TMOD2: variants seen among roughly 807,000 people sequenced by gnomAD.
The protein encoded by TMOD2 is tropomodulin-2.
A neutral mutation model predicts 39.9 loss-of-function variants in TMOD2; 22 were observed. That is an observed-to-expected ratio of 0.55 (90% confidence interval 0.39 to 0.79). The LOEUF is 0.79. TMOD2 is among the 30% of genes least tolerant of loss of function. The pLI, the probability that TMOD2 is intolerant of heterozygous loss-of-function variation, is 0.00. For synonymous variants in TMOD2, 123 were observed against 146.1 expected (o/e 0.84, Z 1.14); for missense variants, 386 against 413.3 (o/e 0.93, Z 0.57).
At chr15:51,789,762 G>C (rs2055997023) in intron 7 of TMOD2, among the ~76,000 whole-genome samples, 1 of 152,136 alleles carries the variant, frequency 6.6e-6, no homozygotes, top group Non-Finnish European at 1.5e-5. Context: ...AATGACTACT[G>C]GGTAAATAAC....
At chr15:51,782,858 A>C in intron 7 of TMOD2, 30 bp downstream of exon 7, 1 of 1,578,420 alleles carries the variant, frequency 6.3e-7, no homozygotes, top group Non-Finnish European at 8.7e-7. Flanking sequence ...ATATAACATG[A>C]AGTTATTTAA....
chr15:51,783,652 G>A (rs1595871136), intron 7 of TMOD2: 1 of 152,006 alleles, frequency 6.6e-6, no homozygotes, highest in Non-Finnish European at 1.5e-5. Context: ...GACTTAGGAG[G>A]CTGAGGTGAG....
intron 7 of TMOD2, among the ~76,000 whole-genome samples, chr15:51,786,505 T>C (rs1012320289): frequency 1.3e-5 from 2 of 152,216 alleles, no homozygotes; most frequent in Non-Finnish European, 2.9e-5. Context: ...TTTAAGGCTG[T>C]TTGGCATTCA....
chr15:51,803,242 G>A (rs946807992), intron 8 of TMOD2, among the ~76,000 whole-genome samples: 1 of 145,872 alleles, frequency 6.9e-6, no homozygotes, highest in African/African-American at 2.6e-5. Context: ...GTGCAGTGGC[G>A]CCATCTCGGC....
chr15:51,765,946 A>T (rs772193158), intron 1 of TMOD2, among the ~76,000 whole-genome samples: 29 of 152,212 alleles, frequency 1.9e-4, no homozygotes, highest in Non-Finnish European at 3.8e-4. Context: ...TGCTTCTTAC[A>T]ACTGCCTTAC....
intron 1 of TMOD2, among the ~76,000 whole-genome samples, chr15:51,762,910 T>C (rs1320632852): frequency 3.3e-5 from 5 of 152,176 alleles, no homozygotes; most frequent in African/African-American, 1.2e-4. Flanking sequence ...AGTATTCCAT[T>C]ATGTGGATAT....
In TMOD2 at chr15:51,811,649, T is replaced by A. The variant is rs147938842; in HGVS notation, c.*3195T>A. The A allele has an allele frequency of 2.8e-4, 43 of 152,364 alleles. 1 individual carries two copies. The highest frequency in any genetic ancestry group is 8.7e-4 in the African/African-American group (36 of 41,568). The allele number at this position is 152,364 out of a possible 1,614,324, so 9.4% of individuals were successfully genotyped here. A position where few individuals can be genotyped will look rare whatever the true frequency, so the allele number is the denominator to read the frequency against. The stretch of plus-strand genomic sequence containing the variant: ...TTTCTTTCATCTTTGGAGGGTATAA[T>A]GTAAATAAGTGTCGTGTGTGTATGT... On this transcript the variant is annotated 3_prime_UTR_variant, in exon 10 of 10. Transcript: ENST00000249700.
intron 1 of TMOD2, among the ~76,000 whole-genome samples, chr15:51,760,735 G>A (rs1337180379): frequency 2.6e-5 from 4 of 152,178 alleles, no homozygotes; most frequent in Non-Finnish European, 4.4e-5. Context: ...GAACCCGGGA[G>A]GTAGAGGTTG....
chr15:51,806,725 A>G (rs535365972), intron 9 of TMOD2, among the ~76,000 whole-genome samples: 1 of 152,302 alleles, frequency 6.6e-6, no homozygotes, highest in African/African-American at 2.4e-5. Flanking sequence ...CATTTTCTCA[A>G]AAAAGAAGTT....
intron 7 of TMOD2, chr15:51,784,693 T>A (rs1216609433): frequency 6.6e-6 from 1 of 152,236 alleles, no homozygotes; most frequent in East Asian, 1.9e-4. Flanking sequence ...ATTGGTAAGG[T>A]GAAATGAGCA....
At chr15:51,766,028 C>T (rs1236021943) in intron 1 of TMOD2, among the ~76,000 whole-genome samples, 1 of 152,220 alleles carries the variant, frequency 6.6e-6, no homozygotes, top group African/African-American at 2.4e-5. Context: ...GGGAAAAGCA[C>T]CCACTATGCT....
At chr15:51,776,747 G>A (rs2055891782) in intron 4 of TMOD2, among the ~76,000 whole-genome samples, 185 bp from the exon 5 acceptor site, 1 of 152,096 alleles carries the variant, frequency 6.6e-6, no homozygotes, top group South Asian at 2.1e-4. Context: ...GATTTCTGGT[G>A]GTCTTGAAAG....
At chr15:51,761,499 G>A (rs1337911573) in intron 1 of TMOD2, among the ~76,000 whole-genome samples, 1 of 152,036 alleles carries the variant, frequency 6.6e-6, no homozygotes, top group Non-Finnish European at 1.5e-5. Context: ...GGCTGAGGCA[G>A]GAGGATTGCT....
chr15:51,801,274 C>CACAT (rs1349399756), intron 8 of TMOD2, among the ~76,000 whole-genome samples: 3 of 141,278 alleles, frequency 2.1e-5, no homozygotes, highest in African/African-American at 8.0e-5. Context: ...CACACACACA[C>CACAT]ACACACACAC....
At chr15:51,793,538 C>A (rs1488837558) in intron 7 of TMOD2, among the ~76,000 whole-genome samples, 1 of 152,160 alleles carries the variant, frequency 6.6e-6, no homozygotes, top group Admixed American at 6.5e-5. Flanking sequence ...ACAGCAAACC[C>A]TTCTCTTTAA....
At chr15:51,752,635 A>G (rs1466553817) in intron 1 of TMOD2, 2 of 152,202 alleles carry the variant, frequency 1.3e-5, no homozygotes, top group African/African-American at 4.8e-5. Flanking sequence ...TCTGCATGTA[A>G]AGGGGCGTTT....
At chr15:51,755,979 G>A (rs749553756) in intron 1 of TMOD2, among the ~76,000 whole-genome samples, 139 of 152,060 alleles carry the variant, frequency 9.1e-4, no homozygotes, top group Non-Finnish European at 1.6e-3. Context: ...GGAAGGACAT[G>A]GTTAAAAGCA....
chr15:51,781,065 T>G lies in TMOD2; in HGVS notation c.515T>G (p.Val172Gly). 3 of 1,605,812 alleles carry G rather than the reference T, an allele frequency of 1.9e-6. No individual in the cohort carries two copies. The highest frequency in any genetic ancestry group is 2.5e-6 in the Non-Finnish European group (3 of 1,177,858). Reference sequence around the variant, plus strand: ...TTAGATGTTGTCAAAGGTGAAAAAGTAAAGCCAGTATTTGAGGAACCACCA... The same window carrying G: ...TTAGATGTTGTCAAAGGTGAAAAAGGAAAGCCAGTATTTGAGGAACCACCA... ...PVRNVVKGEK[V>G]KPVFEEPPNP... Residue 172 changes from valine (V) to glycine (G), a missense_variant, in exon 6 of 10, where the codon GTA (valine) becomes GGA (glycine). Physicochemically the swap from Val to Gly is moderately radical, Grantham distance 109. Transcript: ENST00000249700.
At chr15:51,765,815 A>G (rs1479387984) in intron 1 of TMOD2, among the ~76,000 whole-genome samples, 1 of 152,258 alleles carries the variant, frequency 6.6e-6, no homozygotes, top group African/African-American at 2.4e-5. Context: ...AATCGCACTT[A>G]GTTTAATTGC....
Sources: allele counts gnomAD v4.1 joint callset (sites outside exome capture counted in the v4.1 genomes callset), GRCh38; gene constraint gnomAD v4.1.1; transcripts MANE v1.5; gene names NCBI Gene and HGNC (gene_info 2026-07-23, HGNC 2026-07-21).